Variants in PCGF3 observed in about 807,000 individuals in gnomAD.
The protein encoded by PCGF3 is polycomb group RING finger protein 3.
Under a neutral mutation model 33.1 loss-of-function variants are expected in PCGF3, and 7 were observed. The ratio of observed to expected loss-of-function variants is 0.21; its 90% CI spans 0.12 to 0.40. The LOEUF (loss-of-function observed/expected upper bound fraction) is 0.40. Among genes scored for constraint, PCGF3 ranks in the 10% least tolerant of loss-of-function variants. PCGF3 has a pLI of 1.00. For missense variants in PCGF3, 211 were observed against 313.3 expected, an observed-to-expected ratio of 0.67 and a Z score of 2.46; for synonymous variants, 153 against 121.3, an observed-to-expected ratio of 1.26 and a Z score of -1.72.
At position 761,161 on chromosome 4, in the gene PCGF3, G is replaced by A. The variant is rs987703886; in HGVS notation, c.463-118G>A. On this transcript the variant is annotated intron_variant, in intron 8 of 10. Transcript: ENST00000362003. ...AGTGTTGAAGTCAAAGCAGATGTCT[G>A]ATCTCAAAAAGGTCAGCAGTCCTAG... is the stretch of plus-strand genomic sequence containing the variant. The A allele has an allele frequency of 8.7e-6, 6 of 691,022 alleles. No homozygotes were observed. In the African/African-American group the frequency reaches 9.2e-5, roughly 11 times the overall value. 42.8% of individuals were successfully genotyped at this position (691,022 alleles called of 1,614,324 possible). A position where few individuals can be genotyped will look rare whatever the true frequency, so the allele number is the denominator to read the frequency against.
chr4:718,247 CG>C (rs1236321507), intron 1 of PCGF3, among the ~76,000 whole-genome samples: 2 of 152,002 alleles, frequency 1.3e-5, no homozygotes, highest in Admixed American at 6.5e-5. Context: ...AACGTGGAGT[CG>C]GGGGGTCTGT....
chr4:768,301 C>T (rs1191171165), exon 11 of PCGF3: 3 of 152,648 alleles, frequency 2.0e-5, no homozygotes, highest in African/African-American at 4.8e-5. Context: ...CTCTGCCTCT[C>T]GTCTGACCTT....
chr4:741,972 G>A (rs1577422412), intron 6 of PCGF3, among the ~76,000 whole-genome samples: 1 of 152,250 alleles, frequency 6.6e-6, no homozygotes, highest in South Asian at 2.1e-4. Context: ...CATTCCAGCT[G>A]CTGGGATGTG....
chr4:738,361 G>C (rs1322591792), intron 6 of PCGF3, among the ~76,000 whole-genome samples: 1 of 152,252 alleles, frequency 6.6e-6, no homozygotes, highest in Non-Finnish European at 1.5e-5. Flanking sequence ...TAGATTTCCT[G>C]AGTAAACGTA....
At chr4:744,752 G>A (rs1560210411) in intron 8 of PCGF3, 64 bp downstream of exon 8, 1 of 382,480 alleles carries the variant, frequency 2.6e-6, no homozygotes, top group African/African-American at 2.8e-5. Context: ...GCAGGTGGGC[G>A]GGGCCCGGGG....
chr4:725,561 T>TGTGTGGGCTG (rs1743294275), intron 1 of PCGF3, among the ~76,000 whole-genome samples: 1 of 134,216 alleles, frequency 7.5e-6, no homozygotes, highest in African/African-American at 2.6e-5. Flanking sequence ...GCGCTGTGGC[T>TGTGTGGGCTG]CCGTGGGCTG....
chr4:736,414 C>T (rs778240360), intron 5 of PCGF3, among the ~76,000 whole-genome samples: 5 of 152,240 alleles, frequency 3.3e-5, no homozygotes, highest in Non-Finnish European at 5.9e-5. Flanking sequence ...GGAAATCCCA[C>T]AAAGACCAGG....
chr4:743,616 C>T (rs757407488), intron 7 of PCGF3, 32 bp downstream of exon 7: 27 of 1,276,484 alleles, frequency 2.1e-5, no homozygotes, highest in South Asian at 4.8e-5. Flanking sequence ...CCAGAAGCCC[C>T]GGGAATCCCC....
chr4:742,594 C>A (rs971169465), intron 6 of PCGF3, among the ~76,000 whole-genome samples: 9 of 152,176 alleles, frequency 5.9e-5, no homozygotes, highest in African/African-American at 1.7e-4. Flanking sequence ...TAAGGTCACC[C>A]TTAGGGGGCC....
chr4:734,641 A>G, intron 4 of PCGF3: 1 of 1,263,790 alleles, frequency 7.9e-7, no homozygotes, highest in Non-Finnish European at 1.0e-6. Context: ...GATGACCCAC[A>G]GCTCTGTCAC....
At chr4:744,278 TC>T (rs746417904) in intron 7 of PCGF3, among the ~76,000 whole-genome samples, 2 of 152,244 alleles carry the variant, frequency 1.3e-5, no homozygotes, top group Non-Finnish European at 2.9e-5. Flanking sequence ...GCTGATGTGG[TC>T]AGCACTGAGC....
At chr4:741,514 G>A (rs1425906010) in intron 6 of PCGF3, among the ~76,000 whole-genome samples, 1 of 152,088 alleles carries the variant, frequency 6.6e-6, no homozygotes, top group Non-Finnish European at 1.5e-5. Context: ...TCACACAGTT[G>A]TCCTGTCTCA....
At chr4:766,286 AGAGCC>A in exon 11 of PCGF3, 1 of 538,164 alleles carries the variant, frequency 1.9e-6, no homozygotes, top group Non-Finnish European at 3.3e-6. Context: ...ACAGTCTCCC[AGAGCC>A]GATCGTCCTC....
Position 708,061 on chromosome 4 carries a change from C to CCT in PCGF3, c.-190+2091_-190+2092insCT, listed in dbSNP as rs1560192889. Among the ~76,000 whole-genome samples, 15 of 147,740 alleles carry CCT rather than the reference C, an allele frequency of 1.0e-4. 1 individual carries two copies. Among genetic ancestry groups the CCT allele is most frequent in the African/African-American group, 3.1e-4 (12 of 38,572 alleles). ...GACAGCCCTGTTTTCACCTGGGGGC[C>CCT]GGGACCCTGGGACAGCCCTGTTTTC... is the stretch of plus-strand genomic sequence containing the variant. On this transcript the variant is annotated intron_variant, in intron 1 of 10. Coordinates refer to ENST00000362003, the Ensembl canonical transcript of PCGF3.
chr4:741,368 C>G lies in PCGF3; in HGVS notation c.263-2106C>G, dbSNP rs529017863. On this transcript the variant is annotated intron_variant, in intron 6 of 10. Transcript: ENST00000362003. ...CAGATCAGGCTGGACTGCCGCAGCT[C>G]AAGAGCAATGTCCAGAGACAGTGAG... Among the ~76,000 whole-genome samples, 4 of 152,356 alleles carry G rather than the reference C, an allele frequency of 2.6e-5. No individual in the cohort carries two copies. The South Asian group carries it at 8.3e-4, about 32-fold the overall frequency.
intron 3 of PCGF3, among the ~76,000 whole-genome samples, chr4:732,675 T>A (rs1438473275): frequency 6.6e-6 from 1 of 152,052 alleles, no homozygotes; most frequent in African/African-American, 2.4e-5. Context: ...AGGCTGGGCC[T>A]CTTGGTGGCG....
chr4:733,001 C>T lies in PCGF3; in HGVS notation c.-9-671C>T, dbSNP rs149341832. Among the ~76,000 whole-genome samples, 229 of 151,272 alleles carry T rather than the reference C, an allele frequency of 1.5e-3. 1 individual carries two copies. Among genetic ancestry groups the T allele is most frequent in the African/African-American group, 5.5e-3 (222 of 40,584 alleles). On this transcript the variant is annotated intron_variant, in intron 3 of 10. Transcript: ENST00000362003. ...GGCAGCTGTCAAGGCAGGGCCTCTG[C>T]CAGCCACTGTGGCCTGGCATTGTGC...
chr4:764,254 C>T (rs570340608), intron 9 of PCGF3, among the ~76,000 whole-genome samples: 129 of 152,316 alleles, frequency 8.5e-4, no homozygotes, highest in Non-Finnish European at 1.5e-3. Context: ...GTACCTTCCT[C>T]TCAATTTTGC....
chr4:761,527 T>C, intron 9 of PCGF3, 111 bp downstream of exon 9: 1 of 1,429,810 alleles, frequency 7.0e-7, no homozygotes, highest in Non-Finnish European at 9.4e-7. Flanking sequence ...TTGGAGATTT[T>C]AACCAGAAAA....
Sources: allele counts gnomAD v4.1 joint callset (sites outside exome capture counted in the v4.1 genomes callset), GRCh38; gene constraint gnomAD v4.1.1; transcripts MANE v1.5; gene names NCBI Gene and HGNC (gene_info 2026-07-23, HGNC 2026-07-21).